PCDHA12: variants seen among roughly 807,000 people sequenced by gnomAD.
PCDHA12 encodes the protein protocadherin alpha 12, also known as protocadherin alpha-12.
In PCDHA12, 44 loss-of-function variants were observed where a neutral mutation model predicts 60.0. The ratio of observed to expected loss-of-function variants is 0.73; its 90% CI spans 0.58 to 0.94. The LOEUF is 0.94. PCDHA12 is among the 40% of genes least tolerant of loss of function. The probability of loss-of-function intolerance (pLI) is 0.00; values close to 1 mark genes in which losing one functional copy is unlikely to be tolerated. For missense variants in PCDHA12, 1,276 were observed against 1,239.7 expected (o/e 1.03, Z -0.44); for synonymous variants, 569 against 553.0 (o/e 1.03, Z -0.40).
chr5:140,967,555 C>T, intron 1 of PCDHA12: 4 of 1,614,008 alleles, frequency 2.5e-6, no homozygotes, highest in Non-Finnish European at 3.4e-6. Flanking sequence ...CCACTTATCG[C>T]GTCCAGCTAC....
At chr5:141,000,939 A>G (rs551872377) in intron 3 of PCDHA12, among the ~76,000 whole-genome samples, 2 of 152,294 alleles carry the variant, frequency 1.3e-5, no homozygotes, top group East Asian at 3.9e-4. Context: ...ATTTAGGACA[A>G]ATTATCTTGC....
intron 1 of PCDHA12, among the ~76,000 whole-genome samples, chr5:140,921,089 T>C (rs2080011859): frequency 6.6e-6 from 1 of 151,966 alleles, no homozygotes; most frequent in African/African-American, 2.4e-5. Context: ...AAGAGAATCC[T>C]CCTGCCTCAG....
At chr5:140,969,821 T>C (rs1358078633) in intron 1 of PCDHA12, among the ~76,000 whole-genome samples, 3 of 152,250 alleles carry the variant, frequency 2.0e-5, no homozygotes, top group Non-Finnish European at 4.4e-5. Flanking sequence ...TACTCTGGAC[T>C]GTCTACAGTG....
intron 3 of PCDHA12, among the ~76,000 whole-genome samples, chr5:140,994,668 G>A (rs2097644296): frequency 6.6e-6 from 1 of 152,118 alleles, no homozygotes; most frequent in Admixed American, 6.5e-5. Context: ...TCACACTACT[G>A]CACTCCAGCC....
intron 1 of PCDHA12, among the ~76,000 whole-genome samples, chr5:140,947,593 T>C (rs2094149533): frequency 1.3e-5 from 2 of 151,712 alleles, no homozygotes; most frequent in African/African-American, 2.4e-5. Context: ...TAGATCAATT[T>C]AGGGAAGATT....
intron 3 of PCDHA12, chr5:140,989,054 A>G (rs1481333744): frequency 6.6e-6 from 1 of 152,214 alleles, no homozygotes; most frequent in African/African-American, 2.4e-5. Flanking sequence ...TGCCAGCTAC[A>G]TTGAGGCAAT....
At chr5:140,925,526 CGAG>C (rs2082539432) in intron 1 of PCDHA12, among the ~76,000 whole-genome samples, 1 of 151,910 alleles carries the variant, frequency 6.6e-6, no homozygotes, top group South Asian at 2.1e-4. Flanking sequence ...AAATTAAAAG[CGAG>C]GAGAAATACC....
chr5:140,969,403 G>C, intron 1 of PCDHA12: 1 of 1,579,282 alleles, frequency 6.3e-7, no homozygotes, highest in Non-Finnish European at 8.6e-7. Context: ...CCTGTGATTT[G>C]GCTTTATTGA....
intron 3 of PCDHA12, among the ~76,000 whole-genome samples, chr5:141,003,148 GA>G (rs1554258931): frequency 1.3e-5 from 2 of 152,188 alleles, no homozygotes; most frequent in African/African-American, 4.8e-5. Flanking sequence ...CAAAGACTCT[GA>G]CCTGATCAAT....
intron 1 of PCDHA12, chr5:140,967,360 G>A: frequency 1.2e-6 from 2 of 1,607,656 alleles, no homozygotes; most frequent in South Asian, 1.1e-5. Context: ...TGGACCTTAA[G>A]CCCCTGCAGG....
At chr5:141,005,627 G>A (rs1051972778) in intron 3 of PCDHA12, among the ~76,000 whole-genome samples, 1 of 148,378 alleles carries the variant, frequency 6.7e-6, no homozygotes, top group Non-Finnish European at 1.5e-5. Flanking sequence ...GCGTGAACCC[G>A]GGAGGCGGAG....
chr5:140,876,743 T>G lies in PCDHA12; in HGVS notation c.1271T>G (p.Val424Gly). Residue 424 changes from valine (V) to glycine (G), a missense_variant, in exon 1 of 4, where the codon GTG (valine) becomes GGG (glycine). Val to Gly is a moderately radical substitution (Grantham distance 109, BLOSUM62 -3). Coordinates refer to ENST00000398631, the MANE Select transcript of PCDHA12 (RefSeq NM_018903.4). ...GAGAGCGTGTCGGCCTATGAGCTGG[T>G]GGTGACTGCGCGGGATGGGGGCTCG... ...DRESVSAYEL[V>G]VTARDGGSPS... is the part of the protein sequence containing the mutation. The G allele has an allele frequency of 3.1e-6, 5 of 1,614,200 alleles. No individual in the cohort carries two copies. Among genetic ancestry groups the G allele is most frequent in the Non-Finnish European group, 4.2e-6 (5 of 1,180,042 alleles).
intron 3 of PCDHA12, among the ~76,000 whole-genome samples, chr5:140,991,094 A>G (rs144874764): frequency 9.8e-4 from 150 of 152,358 alleles, no homozygotes; most frequent in African/African-American, 3.5e-3. Context: ...ATTAAAGCTC[A>G]TAAGAATTAA....
chr5:140,999,015 C>G (rs2097843117), intron 3 of PCDHA12, among the ~76,000 whole-genome samples: 1 of 152,280 alleles, frequency 6.6e-6, no homozygotes, highest in East Asian at 1.9e-4. Context: ...GATTTGAACC[C>G]AAGACTTTTG....
At chr5:140,966,680 A>AGCG in intron 1 of PCDHA12, 1 of 1,317,158 alleles carries the variant, frequency 7.6e-7, no homozygotes, top group Non-Finnish European at 9.8e-7. Flanking sequence ...GGGTGGCACG[A>AGCG]GCGGAGGCGG....
rs116228766 is a variant in PCDHA12 at position 140,907,042 on chromosome 5, C to A, written c.2367+29203C>A. Among the ~76,000 whole-genome samples, 705 of 152,284 alleles carry A rather than the reference C, an allele frequency of 4.6e-3. 3 individuals carry two copies. The highest frequency in any genetic ancestry group is 0.016 in the African/African-American group (683 of 41,556). On this transcript the variant is annotated intron_variant, in intron 1 of 3. Coordinates refer to ENST00000398631, the MANE Select transcript of PCDHA12 (RefSeq NM_018903.4). The stretch of plus-strand genomic sequence containing the variant: ...CCAGCAGAACATAATGTCACAGGGA[C>A]AGTAAGCAAAAATTTTACTAGTGGG...
chr5:140,908,763 G>A (rs1159029668), intron 1 of PCDHA12, among the ~76,000 whole-genome samples: 5 of 152,284 alleles, frequency 3.3e-5, no homozygotes, highest in East Asian at 3.9e-4. Context: ...CAGCCTGGAC[G>A]TGTTGTAGAG....
chr5:140,925,208 T>C (rs1201764361), intron 1 of PCDHA12, among the ~76,000 whole-genome samples: 2 of 152,190 alleles, frequency 1.3e-5, no homozygotes, highest in African/African-American at 4.8e-5. Context: ...TAATTATCGA[T>C]ACTTTTAGGC....
chr5:140,989,788 G>GC (rs1331311072), intron 3 of PCDHA12, among the ~76,000 whole-genome samples: 30 of 152,276 alleles, frequency 2.0e-4, no homozygotes, highest in African/African-American at 4.6e-4. Context: ...GAGACTAGAG[G>GC]CCCCCAGGAA....
Sources: allele counts gnomAD v4.1 joint callset (sites outside exome capture counted in the v4.1 genomes callset), GRCh38; gene constraint gnomAD v4.1.1; transcripts MANE v1.5; gene names NCBI Gene and HGNC (gene_info 2026-07-23, HGNC 2026-07-21).